Variants in PSEN1 observed in about 807,000 individuals in gnomAD.
PSEN1 encodes the protein presenilin-1.
A neutral mutation model predicts 53.5 loss-of-function variants in PSEN1; 15 were observed. That is an observed-to-expected ratio of 0.28 (90% CI 0.19 to 0.43). The LOEUF (loss-of-function observed/expected upper bound fraction) is 0.43, where lower values mean the gene tolerates loss of function less well. PSEN1 is among the 20% of genes least tolerant of loss of function. The probability of loss-of-function intolerance (pLI) is 1.00; values close to 1 mark genes in which losing one functional copy is unlikely to be tolerated. For missense variants in PSEN1, 387 were observed against 571.2 expected (o/e 0.68, Z 3.29); for synonymous variants, 208 against 209.8 (o/e 0.99, Z 0.08).
chr14:73,196,729 C>T (rs2140101897), intron 7 of PSEN1, among the ~76,000 whole-genome samples: 1 of 151,874 alleles, frequency 6.6e-6, no homozygotes, highest in East Asian at 1.9e-4. Flanking sequence ...CTGCCTCAGC[C>T]TCCCCAAAGT....
chr14:73,143,038 GGGCTAAGAATGTTCAT>G (rs1307720231), intron 1 of PSEN1, among the ~76,000 whole-genome samples: 1 of 152,200 alleles, frequency 6.6e-6, no homozygotes, highest in Non-Finnish European at 1.5e-5. Flanking sequence ...GTTGTTCACA[GGGCTAAGAATGTTCAT>G]GGCTAAGAAT....
At chr14:73,213,354 AC>A (rs1288127718) in intron 10 of PSEN1, among the ~76,000 whole-genome samples, 1 of 151,824 alleles carries the variant, frequency 6.6e-6, no homozygotes. Context: ...TTCTAATTTG[AC>A]GATTCCCTCT....
intron 7 of PSEN1, 50 bp from the exon 8 acceptor site, chr14:73,197,981 G>A: frequency 9.7e-7 from 1 of 1,033,888 alleles, no homozygotes; most frequent in East Asian, 2.4e-5. Context: ...CCATTTACAA[G>A]TTTAGCCCAT....
chr14:73,216,724 A>G (rs1899930520), intron 10 of PSEN1, among the ~76,000 whole-genome samples: 1 of 151,402 alleles, frequency 6.6e-6, no homozygotes, highest in Non-Finnish European at 1.5e-5. Context: ...ATGCTGCTGT[A>G]CTCCAGCCTG....
chr14:73,155,745 C>T (rs898180517), intron 3 of PSEN1, among the ~76,000 whole-genome samples: 1 of 152,094 alleles, frequency 6.6e-6, no homozygotes, highest in African/African-American at 2.4e-5. Context: ...TCTTGAACTC[C>T]TGGGCTCAAG....
At chr14:73,196,474 ATTTTTTTTTTT>A (rs35294154) in intron 7 of PSEN1, among the ~76,000 whole-genome samples, 9 of 102,284 alleles carry the variant, frequency 8.8e-5, no homozygotes, top group African/African-American at 3.1e-4. Context: ...GAGGCATGAA[ATTTTTTTTTTT>A]TTTTTTTTTT....
At chr14:73,185,151 A>G (rs1231973115) in intron 5 of PSEN1, among the ~76,000 whole-genome samples, 2 of 149,474 alleles carry the variant, frequency 1.3e-5, no homozygotes, top group Admixed American at 6.6e-5. Context: ...GGCTCCTCAC[A>G]TCCCAGATGA....
At chr14:73,184,676 G>C (rs1252762416) in intron 5 of PSEN1, among the ~76,000 whole-genome samples, 5 of 146,594 alleles carry the variant, frequency 3.4e-5, no homozygotes, top group Non-Finnish European at 5.9e-5. Context: ...CGGACGGAGC[G>C]GCTGGCGGGG....
intron 3 of PSEN1, among the ~76,000 whole-genome samples, chr14:73,154,616 T>C (rs1320383013): frequency 6.6e-6 from 1 of 151,818 alleles, no homozygotes; most frequent in African/African-American, 2.4e-5. Flanking sequence ...AAGAAAAAAA[T>C]GTGTGGCAAA....
intron 3 of PSEN1, among the ~76,000 whole-genome samples, chr14:73,163,100 A>T (rs185602931): frequency 1.3e-5 from 2 of 152,348 alleles, no homozygotes; most frequent in East Asian, 3.9e-4. Context: ...ACATTTAGAC[A>T]GAATACAGTC....
intron 8 of PSEN1, among the ~76,000 whole-genome samples, chr14:73,205,421 G>A (rs59341951): frequency 0.25 from 36,679 of 149,026 alleles, 4,720 homozygotes; most frequent in East Asian, 0.42. Context: ...GGAGCTTGCA[G>A]TGAGCCGAGA....
At chr14:73,177,284 A>T (rs1308033959) in intron 5 of PSEN1, among the ~76,000 whole-genome samples, 1 of 151,776 alleles carries the variant, frequency 6.6e-6, no homozygotes, top group Non-Finnish European at 1.5e-5. Context: ...TCTCCTTTGC[A>T]TATCTCTTCT....
chr14:73,147,733 G>T, intron 1 of PSEN1, 62 bp from the exon 2 acceptor site: 1 of 421,414 alleles, frequency 2.4e-6, no homozygotes, highest in Non-Finnish European at 4.4e-6. Context: ...GTATTTGATT[G>T]GTTTAAATGA....
intron 1 of PSEN1, among the ~76,000 whole-genome samples, chr14:73,141,390 T>A (rs2140493263): frequency 6.6e-6 from 1 of 152,336 alleles, no homozygotes; most frequent in African/African-American, 2.4e-5. Context: ...TCACAAAGCC[T>A]TTTATAGGGC....
At chr14:73,198,675 T>G (rs1899055924) in intron 8 of PSEN1, among the ~76,000 whole-genome samples, 1 of 151,938 alleles carries the variant, frequency 6.6e-6, no homozygotes, top group African/African-American at 2.4e-5. Context: ...AGGGAAAGAG[T>G]TGATCAGAGG....
intron 8 of PSEN1, among the ~76,000 whole-genome samples, chr14:73,202,434 A>T (rs1182747084): frequency 0.022 from 251 of 11,184 alleles, 5 homozygotes; most frequent in African/African-American, 0.085. Flanking sequence ...ATATATATAT[A>T]TATATATATA....
intron 7 of PSEN1, chr14:73,197,636 G>T: frequency 5.0e-6 from 1 of 198,158 alleles, no homozygotes; most frequent in South Asian, 8.7e-5. Context: ...GTTCATATCC[G>T]TGATTAGTTT....
At chr14:73,189,862 C>T (rs1898651637) in intron 6 of PSEN1, 1 of 235,404 alleles carries the variant, frequency 4.2e-6, no homozygotes, top group South Asian at 5.4e-5. Flanking sequence ...CCAAGAAGCC[C>T]TTGACCTTTA....
At chr14:73,184,994 C>T (rs1458488025) in intron 5 of PSEN1, among the ~76,000 whole-genome samples, 1 of 151,608 alleles carries the variant, frequency 6.6e-6, no homozygotes, top group South Asian at 2.1e-4. Context: ...GCGCTCCCCA[C>T]ATCTCAGACG....
Sources: allele counts gnomAD v4.1 joint callset (sites outside exome capture counted in the v4.1 genomes callset), GRCh38; gene constraint gnomAD v4.1.1; transcripts MANE v1.5; gene names NCBI Gene and HGNC (gene_info 2026-07-23, HGNC 2026-07-21).